Variants in TUT7 observed in about 807,000 individuals in gnomAD.
TUT7 encodes the protein terminal uridylyltransferase 7.
TUT7 carries 33 observed loss-of-function variants against 165.9 expected under a neutral mutation model. The ratio of observed to expected loss-of-function variants is 0.20; its 90% CI spans 0.15 to 0.27. The LOEUF (loss-of-function observed/expected upper bound fraction) is 0.27, where lower values mean the gene tolerates loss of function less well. Ranked by LOEUF, TUT7 falls within the 10% of genes least tolerant of loss-of-function variation. The pLI, the probability that TUT7 is intolerant of heterozygous loss-of-function variation, is 1.00. For synonymous variants in TUT7, 552 were observed against 608.1 expected (o/e 0.91, Z 1.36); for missense variants, 1,338 against 1,762.3 (o/e 0.76, Z 4.31).
At chr9:86,313,850 A>G (rs1217402004) in intron 17 of TUT7, among the ~76,000 whole-genome samples, 1 of 152,186 alleles carries the variant, frequency 6.6e-6, no homozygotes, top group Non-Finnish European at 1.5e-5. Context: ...GGTTCCTAAA[A>G]AGCAGATACA....
chr9:86,313,892 T>C (rs13294624), intron 17 of TUT7, among the ~76,000 whole-genome samples: 1 of 151,870 alleles, frequency 6.6e-6, no homozygotes, highest in African/African-American at 2.4e-5. Context: ...CAGGAGAAAA[T>C]AAGTAGGTAG....
At chr9:86,333,948 G>A (rs985352114) in intron 10 of TUT7, among the ~76,000 whole-genome samples, 5 of 152,016 alleles carry the variant, frequency 3.3e-5, no homozygotes, top group Non-Finnish European at 5.9e-5. Context: ...TTTCCCTAAA[G>A]ACTTCTTAAA....
chr9:86,319,459 C>T, intron 15 of TUT7, 125 bp downstream of exon 15: 1 of 675,570 alleles, frequency 1.5e-6, no homozygotes, highest in East Asian at 2.8e-5. Context: ...GACCAAGGAC[C>T]ATCCTGGGTA....
intron 13 of TUT7, 54 bp downstream of exon 13, chr9:86,322,819 C>A: frequency 6.6e-7 from 1 of 1,505,412 alleles, no homozygotes; most frequent in African/African-American, 1.4e-5. Flanking sequence ...AAATTAAATG[C>A]ATTCAAAGTC....
intron 15 of TUT7, 91 bp downstream of exon 15, chr9:86,319,493 G>T: frequency 1.1e-6 from 1 of 898,496 alleles, no homozygotes; most frequent in Admixed American, 2.8e-5. Flanking sequence ...TGGAAATCCT[G>T]ATTCTCAAAA....
chr9:86,304,997 T>C (rs781241720), intron 23 of TUT7, 50 bp from the exon 24 acceptor site: 11 of 1,397,088 alleles, frequency 7.9e-6, no homozygotes, highest in Admixed American at 2.0e-5. Context: ...GGAAAAGAGA[T>C]TGTATTACAA....
At chr9:86,345,912 G>A in intron 3 of TUT7, 127 bp from the exon 4 acceptor site, 1 of 709,168 alleles carries the variant, frequency 1.4e-6, no homozygotes, top group Non-Finnish European at 2.4e-6. Context: ...GTCTCACTAT[G>A]TTGCCCTGGC....
chr9:86,339,491 C>A (rs911603632), intron 8 of TUT7, among the ~76,000 whole-genome samples: 1 of 152,110 alleles, frequency 6.6e-6, no homozygotes, highest in African/African-American at 2.4e-5. Flanking sequence ...GCACTCCAGC[C>A]TGGGCAACAG....
chr9:86,335,525 C>T (rs1830685142), intron 10 of TUT7, among the ~76,000 whole-genome samples: 1 of 152,174 alleles, frequency 6.6e-6, no homozygotes, highest in African/African-American at 2.4e-5. Flanking sequence ...TCAGAGAACA[C>T]AGGCACAATA....
At chr9:86,314,083 A>T (rs1232991059) in intron 17 of TUT7, among the ~76,000 whole-genome samples, 2 of 152,222 alleles carry the variant, frequency 1.3e-5, no homozygotes. Context: ...TGAGGAACTG[A>T]GTGCTTGTTA....
chr9:86,299,700 TCTAA>T (rs532712115), intron 26 of TUT7, among the ~76,000 whole-genome samples: 227 of 152,292 alleles, frequency 1.5e-3, no homozygotes, highest in Non-Finnish European at 2.5e-3. Context: ...AAATCATTGG[TCTAA>T]CTGTTGTGAG....
At chr9:86,289,331 T>G (rs750983472) in intron 26 of TUT7, among the ~76,000 whole-genome samples, 40 of 152,202 alleles carry the variant, frequency 2.6e-4, no homozygotes, top group Non-Finnish European at 4.7e-4. Context: ...TGAAGAGACC[T>G]GAGAAATTCT....
Position 86,353,209 on chromosome 9 carries a change from C to A in TUT7, c.-10G>T. The A allele has an allele frequency of 6.5e-7, 1 of 1,543,660 alleles. No homozygotes were observed. The highest frequency in any genetic ancestry group is 8.7e-7 in the Non-Finnish European group (1 of 1,151,566). ...TTGCTGTATCTCCCATGGTCTTTGA[C>A]TTCAATTTTCTTACTTTGCACCTGA... On this transcript the variant is annotated 5_prime_UTR_variant, in exon 2 of 27. Transcript: ENST00000375963.
At chr9:86,288,874 CAAGT>C (rs1293622765) in intron 26 of TUT7, 130 bp from the exon 27 acceptor site, 5 of 625,244 alleles carry the variant, frequency 8.0e-6, no homozygotes, top group African/African-American at 1.8e-5. Context: ...TGTTTTGAAT[CAAGT>C]AATAAGACTT....
At chr9:86,331,753 T>G (rs1830334929) in intron 10 of TUT7, among the ~76,000 whole-genome samples, 1 of 152,196 alleles carries the variant, frequency 6.6e-6, no homozygotes, top group Admixed American at 6.5e-5. Flanking sequence ...GCTTTTAAAA[T>G]TCATTCTGAA....
rs1587924070 is a variant in TUT7, at chr9:86,319,229, A to G, written c.3116-171T>C. The stretch of plus-strand genomic sequence containing the variant: ...TTTATGCTAAAGTCTTTTTCTCTCA[A>G]AGCTTCCTTTACATACAAGCTGTAT... On this transcript the variant is annotated intron_variant, in intron 15 of 26. Coordinates refer to ENST00000375963, the MANE Select transcript of TUT7 (RefSeq NM_024617.4). Among the ~76,000 whole-genome samples the G allele has an allele frequency of 2.6e-5, 4 of 152,234 alleles. No homozygotes were observed. In the East Asian group the frequency reaches 7.7e-4, roughly 29 times the overall value.
chr9:86,336,610 T>C (rs941841707), intron 10 of TUT7, among the ~76,000 whole-genome samples: 1 of 152,214 alleles, frequency 6.6e-6, no homozygotes, highest in African/African-American at 2.4e-5. Flanking sequence ...CCTTAAATGA[T>C]GAGAGAAACT....
chr9:86,310,393 C>T (rs1459630871), intron 18 of TUT7, among the ~76,000 whole-genome samples: 5 of 151,492 alleles, frequency 3.3e-5, no homozygotes, highest in African/African-American at 9.7e-5. Flanking sequence ...GGCTTTTATA[C>T]GTCCTTGGTC....
rs143384743 is a variant in TUT7 at position 86,288,638 on chromosome 9, C to A, written c.*39G>T. The A allele has an allele frequency of 6.5e-7, 1 of 1,539,230 alleles. No homozygotes were observed. ...ACCTAATTTTCCGAGTGAATAGGAA[C>A]GCCTGAGTGGCCATTTAGAGTGCTG... On this transcript the variant is annotated 3_prime_UTR_variant, in exon 27 of 27. Coordinates refer to ENST00000375963, the MANE Select transcript of TUT7 (RefSeq NM_024617.4).
Sources: allele counts gnomAD v4.1 joint callset (sites outside exome capture counted in the v4.1 genomes callset), GRCh38; gene constraint gnomAD v4.1.1; transcripts MANE v1.5; gene names NCBI Gene and HGNC (gene_info 2026-07-23, HGNC 2026-07-21).